The following SATB1 variants were observed in gnomAD, a reference collection of about 807,000 sequenced individuals.
SATB1 encodes the protein DNA-binding protein SATB1.
SATB1 carries 11 observed loss-of-function variants against 86.9 expected under a neutral mutation model. The ratio of observed to expected loss-of-function variants is 0.13; its 90% CI spans 0.08 to 0.21. SATB1 has a LOEUF of 0.21. Among genes scored for constraint, SATB1 ranks in the 10% least tolerant of loss-of-function variants. The pLI is 1.00. For synonymous variants in SATB1, 357 were observed against 357.2 expected (o/e 1.00, Z 0.01); for missense variants, 551 against 937.6 (o/e 0.59, Z 5.39).
At position 18,345,645 on chromosome 3, in the gene SATB1, T is replaced by TTGA. The variant is rs1694015117; in HGVS notation, c.*3522_*3524dup. On this transcript the variant is annotated 3_prime_UTR_variant, in exon 11 of 11. Transcript: ENST00000338745. Reference sequence around the variant, plus strand: ...AAAATATGCATAAAGAAGACTAGTATTGATATTTTCTGATATTTTAGATAT... The same window carrying TTGA: ...AAAATATGCATAAAGAAGACTAGTATTGATGATATTTTCTGATATTTTAGATAT... The TTGA allele has an allele frequency of 1.3e-5, 2 of 152,150 alleles. No homozygotes were observed. The highest frequency in any genetic ancestry group is 1.3e-4 in the Admixed American group (2 of 15,274). 9.4% of individuals were successfully genotyped at this position (152,150 alleles called of 1,614,324 possible). A position where few individuals can be genotyped will look rare whatever the true frequency, so the allele number is the denominator to read the frequency against.
rs927430674 is a variant in SATB1 at position 18,352,930 on chromosome 3, A to G, written c.1576-735T>C. On this transcript the variant is annotated intron_variant, in intron 9 of 10. Transcript: ENST00000338745. The surrounding 1 kb of genome is among the most constrained non-coding windows in gnomAD (Gnocchi z 4.1). ...AAATCTGCACCTCTCTGATGTTTCC[A>G]AGGCCCAGTTTTTTTACCCTGAGGT... The G allele has an allele frequency of 2.2e-4, 19 of 88,260 alleles. No individual in the cohort carries two copies. The highest frequency in any genetic ancestry group is 8.4e-4 in the African/African-American group (18 of 21,486). 5.5% of individuals were successfully genotyped at this position (88,260 alleles called of 1,614,324 possible).
intron 5 of SATB1, among the ~76,000 whole-genome samples, chr3:18,402,904 C>G (rs1008345504): frequency 2.6e-5 from 4 of 152,054 alleles, no homozygotes; most frequent in Non-Finnish European, 5.9e-5. Flanking sequence ...GATTAAACAG[C>G]TGATGGACAA....
intron 2 of SATB1, among the ~76,000 whole-genome samples, chr3:18,418,001 G>A (rs1348609117): frequency 3.9e-5 from 6 of 152,158 alleles, no homozygotes; most frequent in Non-Finnish European, 7.4e-5. Flanking sequence ...ATTACGGAAT[G>A]CTGTGGTACT....
chr3:18,415,062 C>G (rs761261928), intron 5 of SATB1, 49 bp downstream of exon 5: 3 of 1,602,456 alleles, frequency 1.9e-6, no homozygotes, highest in Non-Finnish European at 2.6e-6. Context: ...AACCTCAAAT[C>G]AGGGTTGCCC....
intron 2 of SATB1, 112 bp downstream of exon 2, chr3:18,420,645 G>C (rs1200360079): frequency 2.4e-6 from 2 of 829,956 alleles, no homozygotes; most frequent in African/African-American, 3.4e-5. Context: ...ATCATAAGGA[G>C]AATAAAGGCA....
intron 8 of SATB1, among the ~76,000 whole-genome samples, chr3:18,380,357 GTTTAAGAATTTATCT>G (rs1695983680): frequency 6.6e-6 from 1 of 151,924 alleles, no homozygotes; most frequent in Non-Finnish European, 1.5e-5. Flanking sequence ...TAAAAATGAT[GTTTAAGAATTTATCT>G]TTGAGGTGCG....
rs1390026150 is a variant in SATB1 at position 18,444,714 on chromosome 3, T to C, written c.-25+804A>G. 6.5e-6 allele frequency: 6 copies of C among 929,430 alleles called. No homozygotes were observed. The East Asian group carries it at 6.0e-4, about 93-fold the overall frequency. The allele number at this position is 929,430 out of a possible 1,614,324, so 57.6% of individuals were successfully genotyped here. On this transcript the variant is annotated intron_variant, in intron 1 of 3. Transcript: ENST00000415069. The surrounding 1 kb of genome is among the most constrained non-coding windows in gnomAD (Gnocchi z 5.1). Reference sequence around the variant, plus strand: ...GTCGGACTTCCGAGGCGGCGGCTTCTGCCTCTCCTGCCGCCGCCGCCGCCG... The same window carrying C: ...GTCGGACTTCCGAGGCGGCGGCTTCCGCCTCTCCTGCCGCCGCCGCCGCCG...
At chr3:18,405,457 AG>A (rs1241380613) in intron 5 of SATB1, among the ~76,000 whole-genome samples, 1 of 152,058 alleles carries the variant, frequency 6.6e-6, no homozygotes, top group African/African-American at 2.4e-5. Context: ...AGCGAAAACA[AG>A]AACTAAAGTA....
At chr3:18,373,951 CAG>C (rs1695602925) in intron 9 of SATB1, among the ~76,000 whole-genome samples, 1 of 152,152 alleles carries the variant, frequency 6.6e-6, no homozygotes, top group Non-Finnish European at 1.5e-5. Flanking sequence ...GTTAGTCAAA[CAG>C]AATTTTCACC....
At chr3:18,375,662 C>T (rs1003237599) in intron 9 of SATB1, among the ~76,000 whole-genome samples, 4 of 152,070 alleles carry the variant, frequency 2.6e-5, no homozygotes, top group African/African-American at 7.2e-5. Context: ...AGCATGAGAA[C>T]AGAACCTAAG....
intron 9 of SATB1, among the ~76,000 whole-genome samples, chr3:18,370,413 C>T (rs1346294697): frequency 6.6e-6 from 1 of 151,298 alleles, no homozygotes; most frequent in Non-Finnish European, 1.5e-5. Context: ...ATCCCCAACT[C>T]CCCAACAAAT....
In SATB1 at chr3:18,349,711, C is replaced by G. The variant is rs531116301; in HGVS notation, c.1780-29G>C. ...CAAAGAAACAAGGAGACAATCAGAG[C>G]TCTGCTATCGTGGAGTTCCACACAA... On this transcript the variant is annotated intron_variant, in intron 10 of 10. Coordinates refer to ENST00000338745, the MANE Select transcript of SATB1 (RefSeq NM_002971.6). This position sits in a 1 kb window ranked among gnomAD's most constrained non-coding sequence, Gnocchi z 5.5. The G allele has an allele frequency of 6.4e-7, 1 of 1,563,240 alleles. No individual in the cohort carries two copies. The highest frequency in any genetic ancestry group is 8.7e-7 in the Non-Finnish European group (1 of 1,155,730).
chr3:18,432,122 C>A (rs756926132), intron 2 of SATB1, among the ~76,000 whole-genome samples: 77 of 152,116 alleles, frequency 5.1e-4, no homozygotes, highest in Admixed American at 8.5e-4. Context: ...CTTTGAAGGG[C>A]TGAAAACTGT....
chr3:18,369,859 G>A (rs1457718382), intron 9 of SATB1, among the ~76,000 whole-genome samples: 1 of 152,182 alleles, frequency 6.6e-6, no homozygotes, highest in African/African-American at 2.4e-5. Flanking sequence ...CATGCAGAAT[G>A]GTAATTATGA....
chr3:18,411,632 G>C (rs933856116), intron 5 of SATB1, among the ~76,000 whole-genome samples: 7 of 151,722 alleles, frequency 4.6e-5, no homozygotes, highest in African/African-American at 1.7e-4. Context: ...CCCCAAATCA[G>C]TGTTTATTCT....
At chr3:18,383,209 C>T (rs1171813560) in intron 8 of SATB1, among the ~76,000 whole-genome samples, 4 of 152,226 alleles carry the variant, frequency 2.6e-5, no homozygotes, top group Admixed American at 1.3e-4. Context: ...GGCATCTCAC[C>T]TGGACTGGGC....
intron 9 of SATB1, among the ~76,000 whole-genome samples, chr3:18,359,647 T>C (rs1229416489): frequency 6.6e-6 from 1 of 151,990 alleles, no homozygotes. Context: ...ATAAGGACTC[T>C]GAAAAAAAAT....
At position 18,424,326 on chromosome 3, in the gene SATB1, C is replaced by CA. The variant is rs200023779; in HGVS notation, c.-725_-724insT. 6.6e-6 allele frequency: 1 copy of CA among 150,976 alleles called. No individual in the cohort carries two copies. The highest frequency in any genetic ancestry group is 6.6e-5 in the Admixed American group (1 of 15,206). The allele number at this position is 150,976 out of a possible 1,614,324, so 9.4% of individuals were successfully genotyped here. ...CGCCTCCCTTCCAATCACCCCCACC[C>CA]CCCTCGCCAACAATCGCGACTAATA... On this transcript the variant is annotated 5_prime_UTR_variant, in exon 1 of 11. Transcript: ENST00000338745.
chr3:18,378,165 C>A lies in SATB1; in HGVS notation c.1575+5G>T. The A allele has an allele frequency of 6.4e-7, 1 of 1,568,440 alleles. No individual in the cohort carries two copies. The stretch of plus-strand genomic sequence containing the variant: ...ACATTCTCAATGCCTAACAGAGGCT[C>A]TTACCTGGCTTTTGGTTGCTGCAAC... On this transcript the variant is annotated splice_donor_5th_base_variant and intron_variant, in intron 9 of 10. Coordinates refer to ENST00000338745, the MANE Select transcript of SATB1 (RefSeq NM_002971.6).
Sources: gnomAD v4.1 joint callset for allele counts (sites outside exome capture counted in the v4.1 genomes callset) on GRCh38, gnomAD v4.1.1 for gene constraint, Gnocchi (gnomAD v3.1) non-coding constraint, MANE v1.5 for transcripts, NCBI Gene and HGNC (gene_info 2026-07-23, HGNC 2026-07-21) for gene names.